The following PDGFD variants were observed in gnomAD, a reference collection of about 807,000 sequenced individuals.
PDGFD encodes the protein platelet derived growth factor D.
PDGFD carries 30 observed loss-of-function variants against 44.7 expected under a neutral mutation model. The ratio of observed to expected loss-of-function variants is 0.67; its 90% CI spans 0.50 to 0.91. PDGFD has a LOEUF of 0.91. Among genes scored for constraint, PDGFD ranks in the 40% least tolerant of loss-of-function variants. The pLI is 0.00. For synonymous variants in PDGFD, 173 were observed against 168.4 expected, an observed-to-expected ratio of 1.03 and a Z score of -0.21; for missense variants, 445 against 457.8, an observed-to-expected ratio of 0.97 and a Z score of 0.25.
At position 104,037,425 on chromosome 11, in the gene PDGFD, C is replaced by T. The variant is rs763397292; in HGVS notation, c.125-37170G>A. 3.7e-6 allele frequency: 6 copies of T among 1,614,120 alleles called. No individual in the cohort carries two copies. The South Asian group carries it at 6.6e-5, about 18-fold the overall frequency. ...GAGAGCAAGAGAGGCTTCGTCTCTA[C>T]ACAGCCGACCCACTGGATCGGGAAG... On this transcript the variant is annotated intron_variant, in intron 1 of 6. Transcript: ENST00000393158.
At chr11:104,050,191 G>T in intron 1 of PDGFD, among the ~76,000 whole-genome samples, 1 of 152,118 alleles carries the variant, frequency 6.6e-6, no homozygotes, top group Admixed American at 6.6e-5. Flanking sequence ...CTCTCGGCAG[G>T]AGCAGGAAGA....
chr11:104,114,839 T>A (rs1433910970), intron 1 of PDGFD, among the ~76,000 whole-genome samples: 1 of 152,026 alleles, frequency 6.6e-6, no homozygotes, highest in Non-Finnish European at 1.5e-5. Context: ...CTTAAGTATT[T>A]CATTTTGGGA....
rs1397051479 is a variant in PDGFD at position 104,132,099 on chromosome 11, T to TA, written c.124+31704dup. ...AACAGGTAAGTATCAGAAATTCAGA[T>TA]AGTGTTAGATAAAACTCTCTCTTTT... On this transcript the variant is annotated intron_variant, in intron 1 of 6. Transcript: ENST00000393158. Among the ~76,000 whole-genome samples, 12 of 152,210 alleles carry TA rather than the reference T, an allele frequency of 7.9e-5. No homozygotes were observed. In the South Asian group the frequency reaches 1.7e-3, roughly 21 times the overall value.
At chr11:104,054,086 G>A (rs1591141014) in intron 1 of PDGFD, among the ~76,000 whole-genome samples, 1 of 152,188 alleles carries the variant, frequency 6.6e-6, no homozygotes, top group East Asian at 1.9e-4. Flanking sequence ...ACACAAGTCA[G>A]TCTCCAGAGA....
chr11:104,158,921 G>A (rs1388976325), intron 1 of PDGFD, among the ~76,000 whole-genome samples: 4 of 151,926 alleles, frequency 2.6e-5, no homozygotes, highest in Admixed American at 6.6e-5. Context: ...TTGGGAGACC[G>A]AGGCGGGTGG....
Position 103,946,509 on chromosome 11 carries a change from T to C in PDGFD, c.573+1153A>G, listed in dbSNP as rs144565454. ...AGAATCATTAGACAACCCTGAGCTA[T>C]CATGTCGAAGGTGCCTGAGAAGCTG... On this transcript the variant is annotated intron_variant, in intron 4 of 6. Transcript: ENST00000393158. The C allele has an allele frequency of 3.8e-4, 58 of 152,344 alleles. 1 individual carries two copies. Among genetic ancestry groups the C allele is most frequent in the African/African-American group, 1.4e-3 (57 of 41,580 alleles). The allele number at this position is 152,344 out of a possible 1,614,324, so 9.4% of individuals were successfully genotyped here.
At chr11:104,116,631 C>G (rs955759840) in intron 1 of PDGFD, among the ~76,000 whole-genome samples, 1 of 151,962 alleles carries the variant, frequency 6.6e-6, no homozygotes, top group Non-Finnish European at 1.5e-5. Context: ...TGCAAAAATC[C>G]TTAACAAAAT....
chr11:104,030,931 T>C (rs1161770161), intron 1 of PDGFD, among the ~76,000 whole-genome samples: 1 of 152,200 alleles, frequency 6.6e-6, no homozygotes, highest in Non-Finnish European at 1.5e-5. Context: ...ACCACAACAT[T>C]TTATTTACAC....
At chr11:103,988,011 GAC>G (rs1197002961) in intron 3 of PDGFD, among the ~76,000 whole-genome samples, 2 of 152,058 alleles carry the variant, frequency 1.3e-5, no homozygotes, top group African/African-American at 4.8e-5. Context: ...TAAGTCTTCA[GAC>G]ATATTTGTTG....
chr11:104,007,675 A>G (rs975722551), intron 1 of PDGFD, among the ~76,000 whole-genome samples: 2 of 152,210 alleles, frequency 1.3e-5, no homozygotes, highest in Non-Finnish European at 2.9e-5. Flanking sequence ...GCAATCAAGA[A>G]TCAGGAAATT....
At chr11:104,112,169 T>A (rs1861568583) in intron 1 of PDGFD, among the ~76,000 whole-genome samples, 1 of 152,160 alleles carries the variant, frequency 6.6e-6, no homozygotes, top group South Asian at 2.1e-4. Flanking sequence ...CAACAATGTG[T>A]TTTTAAAACT....
chr11:104,148,530 T>TA (rs903299171), intron 1 of PDGFD, among the ~76,000 whole-genome samples: 4 of 152,100 alleles, frequency 2.6e-5, no homozygotes, highest in African/African-American at 9.7e-5. Context: ...TTGCAATAAT[T>TA]AAAAAAATGA....
chr11:104,002,337 A>T (rs1859632475), intron 1 of PDGFD, among the ~76,000 whole-genome samples: 1 of 152,100 alleles, frequency 6.6e-6, no homozygotes, highest in Non-Finnish European at 1.5e-5. Context: ...AGATGACTAG[A>T]TCATGGGGTG....
chr11:104,035,454 TC>T (rs2134393021), intron 1 of PDGFD, among the ~76,000 whole-genome samples: 1 of 151,708 alleles, frequency 6.6e-6, no homozygotes, highest in Non-Finnish European at 1.5e-5. Flanking sequence ...CCACATTATG[TC>T]CTCCATGTGT....
intron 6 of PDGFD, among the ~76,000 whole-genome samples, chr11:103,922,407 CA>C (rs1858239132): frequency 6.6e-6 from 1 of 152,160 alleles, no homozygotes; most frequent in South Asian, 2.1e-4. Flanking sequence ...ACAAGAAAAG[CA>C]GAAAGATCAC....
intron 6 of PDGFD, among the ~76,000 whole-genome samples, chr11:103,926,011 G>T (rs1858309961): frequency 6.6e-6 from 1 of 152,012 alleles, no homozygotes; most frequent in Non-Finnish European, 1.5e-5. Flanking sequence ...TTACAGGCGT[G>T]AGCCACTGCG....
chr11:104,086,286 T>C (rs61676571), intron 1 of PDGFD, among the ~76,000 whole-genome samples: 11,302 of 152,188 alleles, frequency 0.074, 1,383 homozygotes, highest in African/African-American at 0.26. Flanking sequence ...ATTTTCTACC[T>C]GAGCACTCAC....
intron 1 of PDGFD, among the ~76,000 whole-genome samples, chr11:104,083,031 A>C (rs1031677838): frequency 9.9e-5 from 15 of 152,232 alleles, no homozygotes; most frequent in African/African-American, 3.6e-4. Flanking sequence ...AAATCTTCAA[A>C]ATCTTCTTTT....
At chr11:103,998,285 G>A (rs189473394) in intron 2 of PDGFD, among the ~76,000 whole-genome samples, 159 of 152,196 alleles carry the variant, frequency 1.0e-3, no homozygotes, top group African/African-American at 3.5e-3. Flanking sequence ...GGGAGGCCCC[G>A]AGGTAGCTTC....
Sources: allele counts gnomAD v4.1 joint callset (sites outside exome capture counted in the v4.1 genomes callset), GRCh38; gene constraint gnomAD v4.1.1; transcripts MANE v1.5; gene names NCBI Gene and HGNC (gene_info 2026-07-23, HGNC 2026-07-21).